LRRC20: variants seen among roughly 807,000 people sequenced by gnomAD.
LRRC20 encodes the protein leucine-rich repeat-containing protein 20.
LRRC20 carries 11 observed loss-of-function variants against 14.4 expected under a neutral mutation model. The observed-to-expected ratio is 0.77, with a 90% CI of 0.48 to 1.27. The LOEUF is 1.27. LRRC20 is among the 50% of genes most tolerant of loss of function. The pLI, the probability that LRRC20 is intolerant of heterozygous loss-of-function variation, is 0.00. For missense variants in LRRC20, 219 were observed against 251.2 expected, an observed-to-expected ratio of 0.87 and a Z score of 0.87; for synonymous variants, 121 against 107.3, an observed-to-expected ratio of 1.13 and a Z score of -0.79.
chr10:70,332,618 T>C (rs968185382), intron 3 of LRRC20, among the ~76,000 whole-genome samples: 4 of 152,234 alleles, frequency 2.6e-5, no homozygotes, highest in Non-Finnish European at 4.4e-5. Flanking sequence ...CACTCCAGCC[T>C]GGGTGACAGA....
chr10:70,380,489 G>A (rs1466575898), intron 1 of LRRC20, among the ~76,000 whole-genome samples: 1 of 152,204 alleles, frequency 6.6e-6, no homozygotes, highest in Non-Finnish European at 1.5e-5. Flanking sequence ...TGCAGGGATG[G>A]TGGTAGTGGA....
At chr10:70,370,662 G>A (rs1050277548) in intron 2 of LRRC20, among the ~76,000 whole-genome samples, 7 of 152,234 alleles carry the variant, frequency 4.6e-5, no homozygotes, top group African/African-American at 1.4e-4. Context: ...AGAATTGCTC[G>A]AACCCAGGAG....
chr10:70,322,961 C>A (rs1338071950), intron 4 of LRRC20, among the ~76,000 whole-genome samples: 1 of 151,548 alleles, frequency 6.6e-6, no homozygotes, highest in East Asian at 2.0e-4. Flanking sequence ...TAGGACTCAT[C>A]TGATGGGGAA....
At chr10:70,340,128 A>T (rs925593817) in intron 3 of LRRC20, among the ~76,000 whole-genome samples, 11 of 151,956 alleles carry the variant, frequency 7.2e-5, no homozygotes, top group African/African-American at 2.7e-4. Flanking sequence ...CTCAAAAAAA[A>T]AAAAAGAAAA....
At chr10:70,315,854 C>T (rs1008964476) in intron 4 of LRRC20, among the ~76,000 whole-genome samples, 1 of 152,206 alleles carries the variant, frequency 6.6e-6, no homozygotes, top group African/African-American at 2.4e-5. Context: ...TTCAGTGACC[C>T]TATGATTAAA....
At chr10:70,334,471 C>A (rs996174474) in intron 3 of LRRC20, among the ~76,000 whole-genome samples, 11 of 152,140 alleles carry the variant, frequency 7.2e-5, no homozygotes, top group African/African-American at 2.7e-4. Flanking sequence ...GGACACTCCC[C>A]GTCTCCTCCC....
Position 70,382,555 on chromosome 10 carries a change from A to G in LRRC20, c.-70T>C, listed in dbSNP as rs1372582470. ...CGCTTTTGGCTCCACTTACGGCGACAATGCCTCCTAGCGCCCTGCGCAGCG... is the reference window on the plus strand; with the variant it reads ...CGCTTTTGGCTCCACTTACGGCGACGATGCCTCCTAGCGCCCTGCGCAGCG... On this transcript the variant is annotated 5_prime_UTR_variant, in exon 1 of 5. Coordinates refer to ENST00000446961, the MANE Select transcript of LRRC20 (RefSeq NM_001278212.2). 1.3e-5 allele frequency: 2 copies of G among 151,816 alleles called. No homozygotes were observed. The highest frequency in any genetic ancestry group is 2.9e-5 in the Non-Finnish European group (2 of 67,952). 9.4% of individuals were successfully genotyped at this position (151,816 alleles called of 1,614,324 possible).
intron 1 of LRRC20, among the ~76,000 whole-genome samples, chr10:70,379,583 C>T (rs752114943): frequency 2.0e-5 from 3 of 152,180 alleles, no homozygotes; most frequent in Non-Finnish European, 4.4e-5. Flanking sequence ...CAGGAAGCAG[C>T]TCCGACTTGC....
intron 2 of LRRC20, among the ~76,000 whole-genome samples, chr10:70,365,589 G>A (rs933279250): frequency 6.6e-6 from 1 of 152,202 alleles, no homozygotes; most frequent in Non-Finnish European, 1.5e-5. Context: ...TACTCTGGAA[G>A]CTGAAATAGG....
chr10:70,355,595 T>C (rs535121980), intron 2 of LRRC20, among the ~76,000 whole-genome samples: 1 of 152,290 alleles, frequency 6.6e-6, no homozygotes. Flanking sequence ...AAAGTGCCAG[T>C]GGGTTTAGGG....
chr10:70,314,513 G>A (rs980487700), intron 4 of LRRC20, among the ~76,000 whole-genome samples: 5 of 152,024 alleles, frequency 3.3e-5, no homozygotes, highest in Non-Finnish European at 7.4e-5. Context: ...TTGCTTTCCT[G>A]GGCAGCAGGC....
intron 2 of LRRC20, among the ~76,000 whole-genome samples, chr10:70,347,689 G>A (rs1036535495): frequency 1.3e-4 from 20 of 151,818 alleles, no homozygotes; most frequent in African/African-American, 3.6e-4. Flanking sequence ...GTGTGGTGGC[G>A]CGTCCTATAA....
In LRRC20 at chr10:70,323,862, C is replaced by G; in HGVS notation, c.400+1G>C. 1 of 1,614,118 alleles carries G rather than the reference C, an allele frequency of 6.2e-7. No individual in the cohort carries two copies. The highest frequency in any genetic ancestry group is 8.5e-7 in the Non-Finnish European group (1 of 1,180,008). On this transcript the variant is annotated splice_donor_variant, in intron 4 of 4. Coordinates refer to ENST00000446961, the MANE Select transcript of LRRC20 (RefSeq NM_001278212.2). LOFTEE classifies it high-confidence loss of function. ...GGGCCAGGTGGGCCAGGCCCACTCA[C>G]CTACGATCTCGTTCTCCTCCAGGTT...
At chr10:70,348,953 G>A (rs755556841) in intron 2 of LRRC20, among the ~76,000 whole-genome samples, 2 of 152,218 alleles carry the variant, frequency 1.3e-5, no homozygotes, top group Non-Finnish European at 2.9e-5. Flanking sequence ...GAGTTTATAG[G>A]AACAGACGGC....
chr10:70,329,710 T>C (rs781037051), intron 3 of LRRC20, among the ~76,000 whole-genome samples: 11 of 151,972 alleles, frequency 7.2e-5, no homozygotes, highest in Admixed American at 5.3e-4. Context: ...TACAGGTGCA[T>C]GCCGCCACTA....
At chr10:70,323,164 C>T (rs1314818666) in intron 4 of LRRC20, among the ~76,000 whole-genome samples, 7 of 151,992 alleles carry the variant, frequency 4.6e-5, no homozygotes, top group Admixed American at 3.3e-4. Context: ...GGGGAGGGCA[C>T]ACAGAGACCC....
intron 2 of LRRC20, among the ~76,000 whole-genome samples, chr10:70,350,876 C>A (rs1843277802): frequency 6.6e-6 from 1 of 152,154 alleles, no homozygotes; most frequent in South Asian, 2.1e-4. Context: ...CCGACGTTTG[C>A]CAAACTTCTG....
At chr10:70,338,865 T>C (rs1189680713) in intron 3 of LRRC20, among the ~76,000 whole-genome samples, 1 of 152,224 alleles carries the variant, frequency 6.6e-6, no homozygotes, top group Non-Finnish European at 1.5e-5. Flanking sequence ...TTCGCCATGT[T>C]GGTCAGGCTG....
intron 4 of LRRC20, among the ~76,000 whole-genome samples, chr10:70,317,311 T>A (rs1263547515): frequency 6.6e-6 from 1 of 152,042 alleles, no homozygotes; most frequent in African/African-American, 2.4e-5. Flanking sequence ...CTTCTGCTTC[T>A]GCTTCTGTTT....
Sources: allele counts gnomAD v4.1 joint callset (sites outside exome capture counted in the v4.1 genomes callset), GRCh38; gene constraint gnomAD v4.1.1; transcripts MANE v1.5; gene names NCBI Gene and HGNC (gene_info 2026-07-23, HGNC 2026-07-21).